The following STAR variants were observed in gnomAD, a reference collection of about 807,000 sequenced individuals.
STAR encodes steroidogenic acute regulatory protein.
In STAR, 32 loss-of-function variants were observed where a neutral mutation model predicts 32.3. The observed-to-expected ratio is 0.99, with a 90% confidence interval of 0.75 to 1.33. STAR has a LOEUF of 1.33. Among genes scored for constraint, STAR ranks in the 40% most tolerant of loss-of-function variants. The pLI, the probability that STAR is intolerant of heterozygous loss-of-function variation, is 0.00. For missense variants in STAR, 375 were observed against 379.0 expected (o/e 0.99, Z 0.09); for synonymous variants, 134 against 140.5 (o/e 0.95, Z 0.33).
intron 2 of STAR, 58 bp downstream of exon 2, chr8:38,148,583 C>A: frequency 1.3e-6 from 2 of 1,524,676 alleles, no homozygotes; most frequent in Non-Finnish European, 1.8e-6. Context: ...TGCACCACAT[C>A]ACCCTCCAGG....
At chr8:38,145,142 T>A (rs982982152) in intron 6 of STAR, 80 bp downstream of exon 6, 1 of 1,603,682 alleles carries the variant, frequency 6.2e-7, no homozygotes, top group Admixed American at 1.7e-5. Flanking sequence ...GAGGATTCTT[T>A]CTGCAGCATG....
Position 38,150,850 on chromosome 8 carries a change from C to T in STAR, c.-32G>A, listed in dbSNP as rs562625968. ...CTGGCAAATGTGGCAGTGGTGGGGT[C>T]GCTGCCGCTGCTGCTGCCGCCGCTG... On this transcript the variant is annotated 5_prime_UTR_variant, in exon 1 of 7. Transcript: ENST00000276449. The T allele has an allele frequency of 2.5e-6, 4 of 1,601,470 alleles. No homozygotes were observed. Among genetic ancestry groups the T allele is most frequent in the South Asian group, 2.2e-5 (2 of 90,942 alleles).
rs1802614893 is a variant in STAR at position 38,148,527 on chromosome 8, C to T, written c.178+114G>A. ...GCCTTGAGGAACTCTAGGCTGGGGA[C>T]GTCCTCTCAAAATGAAGGAATGGCA... is the stretch of plus-strand genomic sequence containing the variant. On this transcript the variant is annotated intron_variant, in intron 2 of 6. Transcript: ENST00000276449. 14 of 1,334,784 alleles carry T rather than the reference C, an allele frequency of 1.0e-5. No homozygotes were observed. In the East Asian group the frequency reaches 1.4e-4, roughly 14 times the overall value. The allele number at this position is 1,334,784 out of a possible 1,614,324, so 82.7% of individuals were successfully genotyped here. A position where few individuals can be genotyped will look rare whatever the true frequency, so the allele number is the denominator to read the frequency against.
In STAR at chr8:38,146,363, C is replaced by T. The variant is rs1585625518; in HGVS notation, c.391G>A (p.Glu131Lys). The T allele has an allele frequency of 6.2e-7, 1 of 1,614,172 alleles. No individual in the cohort carries two copies. The change falls in exon 4 of 7, where the codon GAG becomes AAG. Residue 131 changes from glutamate to lysine, a missense_variant. By Grantham distance (56) the Glu-to-Lys change is moderately conservative. Transcript: ENST00000276449. ...RLEVVVDQPM[E>K]RLYEELVERM... ...TCCACGAGCTCTTCATAGAGCCTCTCCATGGGCTGGTCCACCACGACCTCC... is the reference window on the plus strand; with the variant it reads ...TCCACGAGCTCTTCATAGAGCCTCTTCATGGGCTGGTCCACCACGACCTCC...
rs28361934 is a variant in STAR, at chr8:38,143,286, T to C, written c.*987A>G. On this transcript the variant is annotated 3_prime_UTR_variant, in exon 7 of 7. Transcript: ENST00000276449. ...TGTCCAGAACTCCTCTAGTGTGAAG[T>C]TGTAATCTACTAGCATAGATTTTTT... Among the ~76,000 whole-genome samples, 2,377 of 151,078 alleles carry C rather than the reference T, an allele frequency of 0.016. 72 individuals are homozygous for C. The highest frequency in any genetic ancestry group is 0.055 in the African/African-American group (2,277 of 41,164).
intron 3 of STAR, among the ~76,000 whole-genome samples, chr8:38,147,465 A>AT (rs751277180): frequency 2.2e-4 from 33 of 152,328 alleles, no homozygotes; most frequent in Non-Finnish European, 3.8e-4. Context: ...TCAATACCTC[A>AT]TTCCACACCA....
intron 4 of STAR, 39 bp from the exon 5 acceptor site, chr8:38,146,186 G>A (rs1487866318): frequency 2.5e-6 from 4 of 1,613,654 alleles, no homozygotes; most frequent in South Asian, 1.1e-5. Context: ...GACTCAGCCT[G>A]TGTTGGGCTA....
intron 6 of STAR, chr8:38,144,744 C>T: frequency 1.2e-6 from 1 of 833,692 alleles, no homozygotes; most frequent in Admixed American, 3.8e-5. Context: ...GGGCCAGGCG[C>T]AGTGGCTCAC....
intron 2 of STAR, 40 bp downstream of exon 2, chr8:38,148,601 C>G: frequency 6.3e-7 from 1 of 1,589,256 alleles, no homozygotes; most frequent in East Asian, 2.2e-5. Context: ...AGGGAACCTC[C>G]TGCCAGCAGC....
Position 38,145,246 on chromosome 8 carries a change from CG to C in STAR, c.719del (p.Thr240SerfsTer81), listed in dbSNP as rs1171152008. The C allele has an allele frequency of 3.7e-6, 6 of 1,614,132 alleles. No homozygotes were observed. In the East Asian group the frequency reaches 6.7e-5, roughly 18 times the overall value. ...LAGSPSKTKL[T>X]WLLSIDLKGW... ...CCTTGAGGTCGATGCTGAGTAGCCA[CG>C]TAAGTTTGGTCTTAGAGGGACTTCC... is the stretch of plus-strand genomic sequence containing the variant. On this transcript the variant is annotated frameshift_variant, in exon 6 of 7. Transcript: ENST00000276449. LOFTEE classifies it high-confidence loss of function.
chr8:38,147,043 A>C (rs986145915), intron 3 of STAR, among the ~76,000 whole-genome samples: 1 of 150,818 alleles, frequency 6.6e-6, no homozygotes, highest in African/African-American at 2.4e-5. Context: ...GCTGGAGTGC[A>C]GTGGCACAAT....
At chr8:38,145,938 G>A in intron 5 of STAR, 25 bp downstream of exon 5, 1 of 1,612,606 alleles carries the variant, frequency 6.2e-7, no homozygotes, top group Non-Finnish European at 8.5e-7. Context: ...GAAGAGGGGG[G>A]TTTGGAGCCT....
In STAR at chr8:38,150,871, CGCT is replaced by C. The variant is rs1802658003; in HGVS notation, c.-56_-54del. ...GGGTCGCTGCCGCTGCTGCTGCCGC[CGCT>C]GCTGCTGCCTCTTCTCTCAAGGGTG... On this transcript the variant is annotated 5_prime_UTR_variant, in exon 1 of 7. Transcript: ENST00000276449. 3 of 1,600,676 alleles carry C rather than the reference CGCT, an allele frequency of 1.9e-6. No individual in the cohort carries two copies. Among genetic ancestry groups the C allele is most frequent in the South Asian group, 2.2e-5 (2 of 91,044 alleles).
chr8:38,149,008 A>G (rs1292164852), intron 1 of STAR: 2 of 514,060 alleles, frequency 3.9e-6, no homozygotes, highest in Non-Finnish European at 7.1e-6. Flanking sequence ...GGGCTATACC[A>G]GAGCCTGCTG....
At position 38,148,732 on chromosome 8, in the gene STAR, C is replaced by T; in HGVS notation, c.87G>A (p.Met29Ile). Residue 29 changes from methionine (M) to isoleucine (I), a missense_variant, in exon 2 of 7, where the codon ATG becomes ATA. By Grantham distance (10) the Met-to-Ile change is conservative. Coordinates refer to ENST00000276449, the MANE Select transcript of STAR (RefSeq NM_000349.3). ...NMKGLRQQAV[M>I]AISQELNRRA... is the part of the protein sequence containing the mutation. ...TCCGGTTCAGCTCCTGGCTGATGGC[C>T]ATCACAGCCTGTTGCCTCAGCCCTG... The T allele has an allele frequency of 6.2e-7, 1 of 1,613,844 alleles. No individual in the cohort carries two copies. The highest frequency in any genetic ancestry group is 8.5e-7 in the Non-Finnish European group (1 of 1,180,026).
At chr8:38,144,689 A>T (rs1182134392) in intron 6 of STAR, 2 of 1,182,062 alleles carry the variant, frequency 1.7e-6, no homozygotes, top group Non-Finnish European at 2.2e-6. Context: ...TCTTTCTAAA[A>T]TGATAACTAC....
chr8:38,149,940 G>A (rs902719689), intron 1 of STAR, among the ~76,000 whole-genome samples: 2 of 152,150 alleles, frequency 1.3e-5, no homozygotes, highest in Admixed American at 1.3e-4. Context: ...GGTCGACGTG[G>A]CGAAACCCTG....
chr8:38,145,196 C>T (rs868323071), intron 6 of STAR, 26 bp downstream of exon 6: 1 of 1,614,014 alleles, frequency 6.2e-7, no homozygotes, highest in Non-Finnish European at 8.5e-7. Flanking sequence ...CACCTGCCTT[C>T]CAGGTCCCCC....
At position 38,143,743 on chromosome 8, in the gene STAR, A is replaced by C. The variant is rs1802508985; in HGVS notation, c.*530T>G. The C allele has an allele frequency of 5.7e-6, 1 of 173,916 alleles. No homozygotes were observed. The allele number at this position is 173,916 out of a possible 1,614,324, so 10.8% of individuals were successfully genotyped here. On this transcript the variant is annotated 3_prime_UTR_variant, in exon 7 of 7. Transcript: ENST00000276449. ...GAGTTTTGTCTTTTTCCACAGAGAA[A>C]GCTTGGACTATATTTCTGGAAGGCA...
Sources: allele counts gnomAD v4.1 joint callset (sites outside exome capture counted in the v4.1 genomes callset), GRCh38; gene constraint gnomAD v4.1.1; transcripts MANE v1.5; gene names NCBI Gene and HGNC (gene_info 2026-07-23, HGNC 2026-07-21).